Variants in COL22A1 observed in about 807,000 individuals in gnomAD.
COL22A1 encodes collagen type XXII alpha 1 chain, also known as collagen alpha-1(XXII) chain.
A neutral mutation model predicts 248.9 loss-of-function variants in COL22A1; 221 were observed. That is an observed-to-expected ratio of 0.89 (90% CI 0.80 to 0.99). COL22A1 has a LOEUF of 0.99. Among genes scored for constraint, COL22A1 ranks in the 50% least tolerant of loss-of-function variants. COL22A1 has a pLI of 0.00. For missense variants in COL22A1, 2,240 were observed against 2,179.0 expected (o/e 1.03, Z -0.56); for synonymous variants, 891 against 793.4 (o/e 1.12, Z -2.07).
At position 138,821,271 on chromosome 8, in the gene COL22A1, G is replaced by A; in HGVS notation, c.1110C>T (p.Ser370=). The change falls in exon 7 of 65, where the codon AGC becomes AGT. Residue 370 remains serine, a synonymous_variant. Transcript: ENST00000303045. The part of the protein sequence containing the change: ...FDRDWHKMAL[S]IQAQNVSLHI... Reference sequence around the variant, plus strand: ...GCAGGGAGACGTTCTGGGCCTGGATGCTCAGGGCCATCTTGTGCCAGTCCC... The same window carrying A: ...GCAGGGAGACGTTCTGGGCCTGGATACTCAGGGCCATCTTGTGCCAGTCCC... 6.2e-7 allele frequency: 1 copy of A among 1,614,206 alleles called. No homozygotes were observed. The highest frequency in any genetic ancestry group is 1.1e-5 in the South Asian group (1 of 91,076).
intron 34 of COL22A1, 28 bp downstream of exon 34, chr8:138,694,480 C>T: frequency 6.2e-7 from 1 of 1,610,818 alleles, no homozygotes; most frequent in Non-Finnish European, 8.5e-7. Context: ...AGTCTCTGAG[C>T]CAGCAGGGGA....
At chr8:138,884,611 C>A (rs908535119) in intron 1 of COL22A1, among the ~76,000 whole-genome samples, 8 of 152,152 alleles carry the variant, frequency 5.3e-5, no homozygotes, top group Non-Finnish European at 1.0e-4. Context: ...AAGTACCAAT[C>A]TGATGCAGGT....
chr8:138,849,397 C>T (rs144566393), intron 3 of COL22A1, among the ~76,000 whole-genome samples: 1 of 152,284 alleles, frequency 6.6e-6, no homozygotes, highest in East Asian at 1.9e-4. Flanking sequence ...GAGGTAGGTG[C>T]TATTATTTAG....
intron 30 of COL22A1, among the ~76,000 whole-genome samples, chr8:138,711,491 T>C (rs1459022132): frequency 1.3e-5 from 2 of 152,228 alleles, no homozygotes; most frequent in South Asian, 2.1e-4. Context: ...AAAGGGGCTT[T>C]ATGGTCTCGC....
chr8:138,727,514 G>A (rs1238364819), intron 23 of COL22A1, among the ~76,000 whole-genome samples: 1 of 152,202 alleles, frequency 6.6e-6, no homozygotes, highest in Non-Finnish European at 1.5e-5. Context: ...CAGAAGCCGA[G>A]AGCCTGGGTT....
chr8:138,905,389 TC>T (rs1814932993), intron 1 of COL22A1, among the ~76,000 whole-genome samples: 1 of 152,200 alleles, frequency 6.6e-6, no homozygotes, highest in Non-Finnish European at 1.5e-5. Context: ...TGTTGGAACT[TC>T]CGAGATGCTG....
chr8:138,679,644 G>C lies in COL22A1; in HGVS notation c.3045C>G (p.Asn1015Lys), dbSNP rs768546398. The C allele has an allele frequency of 6.2e-7, 1 of 1,614,080 alleles. No homozygotes were observed. The highest frequency in any genetic ancestry group is 8.5e-7 in the Non-Finnish European group (1 of 1,180,000). Reference protein sequence around the residue: ...AACGKVRGSENCALGGQCVKG... With the variant: ...AACGKVRGSEKCALGGQCVKG... ...TAACACATTGCCCTCCCAGTGCACA[G>C]TTTTCTGACCCTCTGACTTTTCCGC... The change falls in exon 40 of 65, where the codon AAC (asparagine) becomes AAG (lysine). Residue 1015 changes from asparagine (N) to lysine (K), a missense_variant. Physicochemically the swap from Asn to Lys is moderately conservative, Grantham distance 94 (BLOSUM62 0). Transcript: ENST00000303045.
chr8:138,829,403 G>GTTATT (rs1554640271), intron 5 of COL22A1, among the ~76,000 whole-genome samples: 7 of 90,656 alleles, frequency 7.7e-5, no homozygotes, highest in Admixed American at 4.9e-4. Flanking sequence ...TTCCTTTCCT[G>GTTATT]TTTTTTTTTT....
chr8:138,762,264 G>T, intron 17 of COL22A1, 149 bp downstream of exon 17: 1 of 702,000 alleles, frequency 1.4e-6, no homozygotes, highest in South Asian at 1.8e-5. Flanking sequence ...CCACACAGCC[G>T]GGGTCTGGTC....
At chr8:138,775,862 A>C in intron 16 of COL22A1, 104 bp downstream of exon 16, 1 of 1,086,738 alleles carries the variant, frequency 9.2e-7, no homozygotes, top group Non-Finnish European at 1.4e-6. Flanking sequence ...GCACACACAA[A>C]TGTGTACACA....
At chr8:138,762,280 C>T in intron 17 of COL22A1, 133 bp downstream of exon 17, 1 of 837,790 alleles carries the variant, frequency 1.2e-6, no homozygotes. Context: ...TGGTCCTAAG[C>T]CTCCTGCAGC....
chr8:138,753,178 G>T (rs1832743540), intron 21 of COL22A1, among the ~76,000 whole-genome samples: 1 of 152,190 alleles, frequency 6.6e-6, no homozygotes, highest in Non-Finnish European at 1.5e-5. Flanking sequence ...AGCTCATGCT[G>T]CAGACAGGTT....
rs570549596 is a variant in COL22A1, at chr8:138,775,887, C to G, written c.1803+79G>C. ...ATGTGTACACACACACACGAGCATA[C>G]ACAGAGCAGATGGTTCCATGCACCC... On this transcript the variant is annotated intron_variant, in intron 16 of 64. Coordinates refer to ENST00000303045, the MANE Select transcript of COL22A1 (RefSeq NM_152888.3). 1.3e-3 allele frequency: 1,740 copies of G among 1,333,742 alleles called. 1 individual carries two copies. Among genetic ancestry groups the G allele is most frequent in the Non-Finnish European group, 1.7e-3 (1,558 of 924,008 alleles). The allele number at this position is 1,333,742 out of a possible 1,614,324, so 82.6% of individuals were successfully genotyped here.
chr8:138,795,520 CTCTT>C (rs1816429850), intron 12 of COL22A1, among the ~76,000 whole-genome samples: 1 of 149,764 alleles, frequency 6.7e-6, no homozygotes, highest in South Asian at 2.1e-4. Flanking sequence ...TCTCCTCTCT[CTCTT>C]TCAGACACAC....
intron 60 of COL22A1, among the ~76,000 whole-genome samples, chr8:138,601,908 A>C (rs909459344): frequency 6.6e-6 from 1 of 152,192 alleles, no homozygotes; most frequent in Admixed American, 6.5e-5. Flanking sequence ...TAATAATAAC[A>C]TCAAGTACAA....
chr8:138,664,201 GCGCGCGCGCACA>G (rs1301623858), intron 41 of COL22A1, among the ~76,000 whole-genome samples: 41 of 87,872 alleles, frequency 4.7e-4, no homozygotes, highest in African/African-American at 1.6e-3. Flanking sequence ...GGGTGCGCGC[GCGCGCGCGCACA>G]CACACACACA....
chr8:138,864,477 G>C (rs374062260), intron 3 of COL22A1, among the ~76,000 whole-genome samples: 1 of 152,018 alleles, frequency 6.6e-6, no homozygotes, highest in Admixed American at 6.6e-5. Flanking sequence ...ATGATTTTGC[G>C]TGTGACTTTA....
chr8:138,722,164 C>A, intron 25 of COL22A1, 75 bp from the exon 26 acceptor site: 1 of 1,332,518 alleles, frequency 7.5e-7, no homozygotes, highest in Admixed American at 2.5e-5. Context: ...TTGTTTCAAA[C>A]CAGGAGCTGT....
chr8:138,792,382 T>G (rs1425749112), intron 12 of COL22A1, among the ~76,000 whole-genome samples: 4 of 152,218 alleles, frequency 2.6e-5, no homozygotes, highest in African/African-American at 7.2e-5. Flanking sequence ...TCTGAGACAC[T>G]GGAGATCTGC....
Sources: gnomAD v4.1 joint callset for allele counts (sites outside exome capture counted in the v4.1 genomes callset) on GRCh38, gnomAD v4.1.1 for gene constraint, MANE v1.5 for transcripts, NCBI Gene and HGNC (gene_info 2026-07-23, HGNC 2026-07-21) for gene names.